RERE: variants seen among roughly 807,000 people sequenced by gnomAD.
RERE encodes the protein arginine-glutamic acid dipeptide repeats protein.
In RERE, 40 loss-of-function variants were observed where a neutral mutation model predicts 146.1. That is an observed-to-expected ratio of 0.27 (90% CI 0.21 to 0.36). The LOEUF (loss-of-function observed/expected upper bound fraction) is 0.36, where lower values mean the gene tolerates loss of function less well. Among genes scored for constraint, RERE ranks in the 10% least tolerant of loss-of-function variants. The pLI, the probability that RERE is intolerant of heterozygous loss-of-function variation, is 1.00. For synonymous variants in RERE, 1,003 were observed against 866.0 expected, an observed-to-expected ratio of 1.16 and a Z score of -2.78; for missense variants, 1,933 against 2,138.7, an observed-to-expected ratio of 0.90 and a Z score of 1.90.
At chr1:8,540,600 A>C (rs1645788622) in intron 7 of RERE, among the ~76,000 whole-genome samples, 1 of 152,202 alleles carries the variant, frequency 6.6e-6, no homozygotes, top group Non-Finnish European at 1.5e-5. Context: ...TGCTACATTA[A>C]AGTAGCATCT....
chr1:8,545,769 C>T (rs1378302148), intron 6 of RERE, among the ~76,000 whole-genome samples: 4 of 149,930 alleles, frequency 2.7e-5, no homozygotes, highest in Admixed American at 6.6e-5. Flanking sequence ...CTGCAACCTC[C>T]GCCTCCCGGG....
At chr1:8,449,353 C>T (rs771070535) in intron 11 of RERE, among the ~76,000 whole-genome samples, 17 of 152,156 alleles carry the variant, frequency 1.1e-4, no homozygotes, top group Non-Finnish European at 2.4e-4. Context: ...GCCGGCTAGA[C>T]AGAGCCCCAT....
chr1:8,645,036 G>A (rs1647253155), intron 2 of RERE, among the ~76,000 whole-genome samples: 1 of 152,220 alleles, frequency 6.6e-6, no homozygotes, highest in African/African-American at 2.4e-5. Context: ...AACCAGCTGT[G>A]TGACTTTGGC....
chr1:8,392,099 TCACA>T (rs1642900799), intron 12 of RERE, among the ~76,000 whole-genome samples: 1 of 152,198 alleles, frequency 6.6e-6, no homozygotes, highest in Admixed American at 6.5e-5. Flanking sequence ...TTCTCACAAC[TCACA>T]CAATGTTCAG....
chr1:8,585,264 A>G (rs1292003748), intron 4 of RERE, among the ~76,000 whole-genome samples: 1 of 152,232 alleles, frequency 6.6e-6, no homozygotes. Context: ...CTGACGTTAA[A>G]TAAAAACTCT....
At position 8,557,823 on chromosome 1, in the gene RERE, TTTTA is replaced by T. The variant is rs2124426004; in HGVS notation, c.523-304_523-301del. On this transcript the variant is annotated intron_variant, in intron 4 of 22. Transcript: ENST00000400908. ...TTAACTAATCCATTCAAAATTACATTTTTATTTAACATTAACTATACAATACTAC... is the reference window on the plus strand; with the variant it reads ...TTAACTAATCCATTCAAAATTACATTTTTAACATTAACTATACAATACTAC... Among the ~76,000 whole-genome samples, 2 of 152,312 alleles carry T rather than the reference TTTTA, an allele frequency of 1.3e-5. 1 individual carries two copies. Among genetic ancestry groups the T allele is most frequent in the South Asian group, 4.1e-4 (2 of 4,826 alleles).
At chr1:8,402,483 G>A (rs920680728) in intron 12 of RERE, among the ~76,000 whole-genome samples, 4 of 152,198 alleles carry the variant, frequency 2.6e-5, no homozygotes, top group African/African-American at 9.6e-5. Context: ...AGAACAAAAA[G>A]GTTGGATGGG....
chr1:8,507,980 C>T (rs2124296233), intron 8 of RERE, among the ~76,000 whole-genome samples: 1 of 152,292 alleles, frequency 6.6e-6, no homozygotes, highest in Non-Finnish European at 1.5e-5. Context: ...CTCAAGAGAT[C>T]TGCCCACCTC....
chr1:8,658,321 G>A (rs867054292), intron 1 of RERE, among the ~76,000 whole-genome samples: 7 of 152,278 alleles, frequency 4.6e-5, no homozygotes, highest in South Asian at 2.1e-4. Flanking sequence ...GGAGGCAACC[G>A]ATCAATCTAA....
At chr1:8,558,669 A>G (rs769893838) in intron 4 of RERE, among the ~76,000 whole-genome samples, 12 of 152,208 alleles carry the variant, frequency 7.9e-5, no homozygotes, top group Non-Finnish European at 1.3e-4. Flanking sequence ...CTAAAACACC[A>G]GGAAGGTTCC....
At position 8,790,175 on chromosome 1, in the gene RERE, C is replaced by A. The variant is rs188214479; in HGVS notation, c.-145+26985G>T. On this transcript the variant is annotated intron_variant, in intron 1 of 22. Coordinates refer to ENST00000400908, the MANE Select transcript of RERE (RefSeq NM_001042681.2). ...TGCCAGTTGCTTTTCTCTGGAACTG[C>A]GGGTTCAAGCACCAAGATTAGGACT... Among the ~76,000 whole-genome samples the A allele has an allele frequency of 9.9e-5, 15 of 152,208 alleles. No individual in the cohort carries two copies. The East Asian group carries it at 2.3e-3, about 23-fold the overall frequency.
At chr1:8,762,368 T>C (rs1267517283) in intron 1 of RERE, among the ~76,000 whole-genome samples, 2 of 152,166 alleles carry the variant, frequency 1.3e-5, no homozygotes, top group African/African-American at 4.8e-5. Context: ...TACTTAAATA[T>C]TTGACAAATG....
At chr1:8,380,290 C>T (rs555045559) in intron 12 of RERE, among the ~76,000 whole-genome samples, 3 of 152,102 alleles carry the variant, frequency 2.0e-5, no homozygotes, top group Admixed American at 2.0e-4. Flanking sequence ...AGCTCTGCGT[C>T]CTCACTGCTC....
intron 1 of RERE, among the ~76,000 whole-genome samples, chr1:8,745,454 T>A (rs777114976): frequency 2.0e-5 from 3 of 152,230 alleles, no homozygotes; most frequent in Non-Finnish European, 4.4e-5. Flanking sequence ...ACACTTGGCA[T>A]GTCCAGCTAT....
chr1:8,711,800 A>G (rs1462636300), intron 1 of RERE, among the ~76,000 whole-genome samples: 1 of 152,228 alleles, frequency 6.6e-6, no homozygotes, highest in African/African-American at 2.4e-5. Flanking sequence ...CTAAGAATTC[A>G]AAATATTAAC....
intron 22 of RERE, 74 bp downstream of exon 22, chr1:8,355,345 G>A: frequency 6.6e-7 from 1 of 1,510,284 alleles, no homozygotes; most frequent in South Asian, 1.2e-5. Flanking sequence ...GAGGAGCCTG[G>A]CCCTGGGCAC....
At chr1:8,427,265 T>C (rs954513850) in intron 11 of RERE, among the ~76,000 whole-genome samples, 1 of 152,142 alleles carries the variant, frequency 6.6e-6, no homozygotes, top group Non-Finnish European at 1.5e-5. Flanking sequence ...AGAGCTGACC[T>C]CTTGCTCCAT....
At chr1:8,416,860 C>T (rs773721847) in intron 12 of RERE, among the ~76,000 whole-genome samples, 3 of 152,054 alleles carry the variant, frequency 2.0e-5, no homozygotes, top group Admixed American at 6.6e-5. Flanking sequence ...CTGGGGGGTC[C>T]GTTAAAATGC....
Position 8,495,076 on chromosome 1 carries a change from T to C in RERE, c.1091A>G (p.Asn364Ser). The C allele has an allele frequency of 1.2e-6, 2 of 1,612,596 alleles. No homozygotes were observed. Among genetic ancestry groups the C allele is most frequent in the Non-Finnish European group, 8.5e-7 (1 of 1,178,644 alleles). Residue 364 changes from asparagine (N) to serine (S), a missense_variant, in exon 10 of 23, where the codon AAT becomes AGT. Physicochemically the swap from Asn to Ser is conservative, Grantham distance 46. Transcript: ENST00000400908. ...VAASRDDTTL[N>S]ALNTLHESGY... ...CAAAAGACTTACTGTGTTCAGTGCA[T>C]TCAGAGTGGTGTCATCCCGAGAGGC...
Sources: gnomAD v4.1 joint callset for allele counts (sites outside exome capture counted in the v4.1 genomes callset) on GRCh38, gnomAD v4.1.1 for gene constraint, MANE v1.5 for transcripts, NCBI Gene and HGNC (gene_info 2026-07-23, HGNC 2026-07-21) for gene names.